INSIG2: variants seen among roughly 807,000 people sequenced by gnomAD.
INSIG2 encodes insulin induced gene 2.
A neutral mutation model predicts 27.2 loss-of-function variants in INSIG2; 10 were observed. The ratio of observed to expected loss-of-function variants is 0.37; its 90% CI spans 0.23 to 0.62. INSIG2 has a LOEUF of 0.62. Ranked by LOEUF, INSIG2 falls within the 20% of genes least tolerant of loss-of-function variation. INSIG2 has a pLI of 0.65. For synonymous variants in INSIG2, 97 were observed against 95.8 expected (o/e 1.01, Z -0.07); for missense variants, 178 against 270.2 (o/e 0.66, Z 2.39).
At chr2:118,101,849 A>G (rs1022608378) in intron 2 of INSIG2, among the ~76,000 whole-genome samples, 6 of 152,222 alleles carry the variant, frequency 3.9e-5, no homozygotes, top group Non-Finnish European at 8.8e-5. Context: ...TGAGCCATCT[A>G]TACTCAGCAC....
chr2:118,091,479 T>C (rs760054119), intron 1 of INSIG2, among the ~76,000 whole-genome samples: 5 of 152,228 alleles, frequency 3.3e-5, no homozygotes, highest in Non-Finnish European at 7.3e-5. Context: ...TTTGTTTGGA[T>C]CATGGACTTT....
At chr2:118,091,283 G>A (rs1678219479) in intron 1 of INSIG2, among the ~76,000 whole-genome samples, 1 of 152,186 alleles carries the variant, frequency 6.6e-6, no homozygotes, top group African/African-American at 2.4e-5. Flanking sequence ...ATGGTAGGGG[G>A]TGAAATGGTT....
At chr2:118,099,074 G>T (rs374150163) in intron 2 of INSIG2, among the ~76,000 whole-genome samples, 6 of 152,192 alleles carry the variant, frequency 3.9e-5, no homozygotes, top group Non-Finnish European at 5.9e-5. Context: ...GCCATCCCCT[G>T]CATCATTATT....
intron 3 of INSIG2, among the ~76,000 whole-genome samples, chr2:118,103,989 GC>G (rs1357910625): frequency 2.0e-5 from 3 of 152,056 alleles, no homozygotes; most frequent in African/African-American, 7.2e-5. Flanking sequence ...AAAAATGTTT[GC>G]CCTCATAAGG....
In INSIG2 at chr2:118,106,686, T is replaced by C. The variant is rs773920297; in HGVS notation, c.370-51T>C. 7 of 1,455,032 alleles carry C rather than the reference T, an allele frequency of 4.8e-6. No homozygotes were observed. In the East Asian group the frequency reaches 1.6e-4, roughly 33 times the overall value. 90.1% of individuals were successfully genotyped at this position (1,455,032 alleles called of 1,614,324 possible). A position where few individuals can be genotyped will look rare whatever the true frequency, so the allele number is the denominator to read the frequency against. ...TCTCTTATTTAGAAAAATGAACAGATGATATTATTTGGTTACAACTTTTAA... is the reference window on the plus strand; with the variant it reads ...TCTCTTATTTAGAAAAATGAACAGACGATATTATTTGGTTACAACTTTTAA... On this transcript the variant is annotated intron_variant, in intron 3 of 5. Coordinates refer to ENST00000245787, the MANE Select transcript of INSIG2 (RefSeq NM_016133.4).
intron 3 of INSIG2, among the ~76,000 whole-genome samples, chr2:118,106,073 T>G (rs1337455457): frequency 6.6e-6 from 1 of 152,218 alleles, no homozygotes; most frequent in Non-Finnish European, 1.5e-5. Flanking sequence ...CCAGAAAGTC[T>G]CAGGCACCAA....
At chr2:118,104,266 A>G (rs911603218) in intron 3 of INSIG2, among the ~76,000 whole-genome samples, 3 of 152,152 alleles carry the variant, frequency 2.0e-5, no homozygotes, top group African/African-American at 7.2e-5. Flanking sequence ...GTCATGTGTC[A>G]AGTAGACCCC....
At chr2:118,089,189 T>C (rs1264638211) in intron 1 of INSIG2, among the ~76,000 whole-genome samples, 1 of 152,120 alleles carries the variant, frequency 6.6e-6, no homozygotes, top group African/African-American at 2.4e-5. Flanking sequence ...GCAGTGTGGA[T>C]TATGGGAGTG....
At chr2:118,096,932 A>G in intron 2 of INSIG2, 132 bp downstream of exon 2, 1 of 1,002,396 alleles carries the variant, frequency 1.0e-6, no homozygotes, top group Non-Finnish European at 1.4e-6. Context: ...AATACACTGG[A>G]CCCGTTTGAA....
At chr2:118,095,165 G>A (rs1322705849) in intron 1 of INSIG2, among the ~76,000 whole-genome samples, 2 of 152,192 alleles carry the variant, frequency 1.3e-5, no homozygotes, top group African/African-American at 4.8e-5. Context: ...AAAATAAACT[G>A]CTTTTGGATT....
At chr2:118,089,274 A>G (rs571583369) in intron 1 of INSIG2, among the ~76,000 whole-genome samples, 6 of 152,332 alleles carry the variant, frequency 3.9e-5, no homozygotes, top group Admixed American at 2.6e-4. Flanking sequence ...TTGTTAAAGT[A>G]TGATATTAGC....
chr2:118,088,881 G>A (rs72839614), intron 1 of INSIG2, among the ~76,000 whole-genome samples: 1 of 152,032 alleles, frequency 6.6e-6, no homozygotes, highest in Non-Finnish European at 1.5e-5. Context: ...AGGTCAGCGA[G>A]CTGTCAAGCA....
In INSIG2 at chr2:118,108,265, C is replaced by A; in HGVS notation, c.637-16C>A. ...AGTCTTAATCTGTTAACCTTTTAAC[C>A]TTTTAATTTTTGCAGTACGAATGTA... On this transcript the variant is annotated splice_polypyrimidine_tract_variant and intron_variant, in intron 5 of 5. Coordinates refer to ENST00000245787, the MANE Select transcript of INSIG2 (RefSeq NM_016133.4). 6.4e-7 allele frequency: 1 copy of A among 1,569,412 alleles called. No individual in the cohort carries two copies. The highest frequency in any genetic ancestry group is 1.2e-5 in the South Asian group (1 of 85,936).
At chr2:118,106,935 G>C (rs1012698408) in intron 4 of INSIG2, 32 bp downstream of exon 4, 1 of 1,606,620 alleles carries the variant, frequency 6.2e-7, no homozygotes, top group Admixed American at 1.7e-5. Context: ...TTTGGTGCTT[G>C]TTTGCTAGAT....
rs1678786793 is a variant in INSIG2 at position 118,110,471 on chromosome 2, T to C, written c.*2149T>C. The stretch of plus-strand genomic sequence containing the variant: ...GGAGGAGGAGGGGTTGGTCTTGCTG[T>C]TGCGGGGGTGGAAGAAGATGTGCAT... On this transcript the variant is annotated 3_prime_UTR_variant, in exon 6 of 6. Coordinates refer to ENST00000245787, the MANE Select transcript of INSIG2 (RefSeq NM_016133.4). The C allele has an allele frequency of 6.6e-6, 1 of 152,142 alleles. No individual in the cohort carries two copies. The highest frequency in any genetic ancestry group is 2.4e-5 in the African/African-American group (1 of 41,380). The allele number at this position is 152,142 out of a possible 1,614,324, so 9.4% of individuals were successfully genotyped here. A position where few individuals can be genotyped will look rare whatever the true frequency, so the allele number is the denominator to read the frequency against.
rs758948525 is a variant in INSIG2 at position 118,108,283 on chromosome 2, C to T, written c.639C>T (p.Tyr213=). The T allele has an allele frequency of 1.4e-5, 23 of 1,586,976 alleles. No individual in the cohort carries two copies. The highest frequency in any genetic ancestry group is 6.9e-5 in the East Asian group (3 of 43,468). The change falls in exon 6 of 6, where the codon TAC becomes TAT. Residue 213 remains tyrosine, a splice_region_variant and synonymous_variant. Coordinates refer to ENST00000245787, the MANE Select transcript of INSIG2 (RefSeq NM_016133.4). ...MGNIGRQLAM[Y]ECKVIAEKSH... ...TTTTAACCTTTTAATTTTTGCAGTA[C>T]GAATGTAAAGTTATCGCAGAAAAAT...
At chr2:118,096,162 C>T (rs1257375500) in intron 1 of INSIG2, among the ~76,000 whole-genome samples, 1 of 152,108 alleles carries the variant, frequency 6.6e-6, no homozygotes, top group African/African-American at 2.4e-5. Flanking sequence ...TGATTCTAAC[C>T]TTCAGGTCTC....
intron 2 of INSIG2, among the ~76,000 whole-genome samples, chr2:118,099,820 C>G (rs902940579): frequency 2.0e-5 from 3 of 152,210 alleles, no homozygotes; most frequent in African/African-American, 7.2e-5. Flanking sequence ...CATCTTTCCT[C>G]TGTCTCTTTC....
chr2:118,102,811 T>G (rs1678579284), intron 2 of INSIG2: 2 of 172,018 alleles, frequency 1.2e-5, no homozygotes, highest in Non-Finnish European at 2.5e-5. Context: ...GAGAGAACAT[T>G]ACTTAACTGC....
Sources: gnomAD v4.1 joint callset for allele counts (sites outside exome capture counted in the v4.1 genomes callset) on GRCh38, gnomAD v4.1.1 for gene constraint, MANE v1.5 for transcripts, NCBI Gene and HGNC (gene_info 2026-07-23, HGNC 2026-07-21) for gene names.